Variants in SLC25A16 observed in about 807,000 individuals in gnomAD.
SLC25A16 encodes the protein solute carrier family 25 member 16.
SLC25A16 carries 39 observed loss-of-function variants against 41.5 expected under a neutral mutation model. That is an observed-to-expected ratio of 0.94 (90% CI 0.73 to 1.23). SLC25A16 has a LOEUF of 1.23. SLC25A16 is among the 50% of genes most tolerant of loss of function. The pLI is 0.00. For missense variants in SLC25A16, 421 were observed against 426.9 expected, an observed-to-expected ratio of 0.99 and a Z score of 0.12; for synonymous variants, 146 against 147.8, an observed-to-expected ratio of 0.99 and a Z score of 0.09.
At chr10:68,489,064 G>A (rs912719214) in intron 6 of SLC25A16, among the ~76,000 whole-genome samples, 3 of 152,126 alleles carry the variant, frequency 2.0e-5, no homozygotes, top group Non-Finnish European at 4.4e-5. Flanking sequence ...GAGGTCAGGC[G>A]TTCGAGATCA....
rs1037379399 is a variant in SLC25A16 at position 68,482,101 on chromosome 10, C to T, written c.*1331G>A. 1 of 152,122 alleles carries T rather than the reference C, an allele frequency of 6.6e-6. No homozygotes were observed. The highest frequency in any genetic ancestry group is 2.4e-5 in the African/African-American group (1 of 41,400). The allele number at this position is 152,122 out of a possible 1,614,324, so 9.4% of individuals were successfully genotyped here. A position where few individuals can be genotyped will look rare whatever the true frequency, so the allele number is the denominator to read the frequency against. On this transcript the variant is annotated 3_prime_UTR_variant, in exon 9 of 9. Transcript: ENST00000609923. ...ATTTTTGGTGGTGGGCACCTGTAGT[C>T]CCAGCTACTCGGGAGACTGAGGCAG...
At chr10:68,483,918 C>G in intron 8 of SLC25A16, among the ~76,000 whole-genome samples, 1 of 152,162 alleles carries the variant, frequency 6.6e-6, no homozygotes, top group Admixed American at 6.6e-5. Context: ...CCCACCTTGG[C>G]CTCCCAAAGT....
chr10:68,519,974 T>A (rs902373179), intron 1 of SLC25A16, among the ~76,000 whole-genome samples: 2 of 75,870 alleles, frequency 2.6e-5, no homozygotes, highest in Non-Finnish European at 4.6e-5. Flanking sequence ...TATAATAGTA[T>A]CTTTTTTTTT....
At chr10:68,492,639 G>A (rs910866446) in intron 6 of SLC25A16, among the ~76,000 whole-genome samples, 8 of 151,674 alleles carry the variant, frequency 5.3e-5, no homozygotes, top group Non-Finnish European at 1.2e-4. Context: ...CCGAGATCAC[G>A]CCATTGCACT....
At chr10:68,520,994 C>T (rs1293077980) in intron 1 of SLC25A16, among the ~76,000 whole-genome samples, 1 of 151,336 alleles carries the variant, frequency 6.6e-6, no homozygotes, top group Non-Finnish European at 1.5e-5. Flanking sequence ...AATTAGCCGG[C>T]ATGGTGGCAC....
chr10:68,497,615 T>TA (rs909312329), intron 4 of SLC25A16, among the ~76,000 whole-genome samples: 18 of 151,820 alleles, frequency 1.2e-4, no homozygotes, highest in African/African-American at 4.1e-4. Flanking sequence ...CTTTTTTTTT[T>TA]TTTTAATTTT....
At chr10:68,523,021 A>G (rs546756742) in intron 1 of SLC25A16, among the ~76,000 whole-genome samples, 16 of 152,210 alleles carry the variant, frequency 1.1e-4, no homozygotes, top group Admixed American at 8.5e-4. Context: ...GAACTACTCT[A>G]TATCTTGACT....
chr10:68,479,134 T>G lies in SLC25A16; in HGVS notation c.*4298A>C, dbSNP rs2052457736. ...CTGCGAAGCAAACCAAATGACTTTA[T>G]TCCTAAATTGTTTATTTCTTGAACT... On this transcript the variant is annotated 3_prime_UTR_variant, in exon 9 of 9. Coordinates refer to ENST00000609923, the MANE Select transcript of SLC25A16 (RefSeq NM_152707.4). 6.6e-6 allele frequency: 1 copy of G among 152,214 alleles called. No homozygotes were observed. The highest frequency in any genetic ancestry group is 2.4e-5 in the African/African-American group (1 of 41,454). The allele number at this position is 152,214 out of a possible 1,614,324, so 9.4% of individuals were successfully genotyped here. A position where few individuals can be genotyped will look rare whatever the true frequency, so the allele number is the denominator to read the frequency against.
intron 6 of SLC25A16, among the ~76,000 whole-genome samples, chr10:68,489,053 T>C (rs371744502): frequency 6.6e-6 from 1 of 152,156 alleles, no homozygotes; most frequent in Non-Finnish European, 1.5e-5. Flanking sequence ...GCGGATTACC[T>C]GAGGTCAGGC....
chr10:68,494,966 G>C (rs1427257581), intron 4 of SLC25A16, among the ~76,000 whole-genome samples: 1 of 151,558 alleles, frequency 6.6e-6, no homozygotes, highest in African/African-American at 2.4e-5. Flanking sequence ...TAGGAAACAA[G>C]AGTACCCAGA....
In SLC25A16 at chr10:68,479,832, A is replaced by AAG. The variant is rs1760759037; in HGVS notation, c.*3599_*3600insCT. On this transcript the variant is annotated 3_prime_UTR_variant, in exon 9 of 9. Coordinates refer to ENST00000609923, the MANE Select transcript of SLC25A16 (RefSeq NM_152707.4). Reference sequence around the variant, plus strand: ...GGCTCTGTCTCAAAAAAAAAAAAAAAAAAGAAAGAAAAGAAAGAAAAATAC... The same window carrying AAG: ...GGCTCTGTCTCAAAAAAAAAAAAAAAAGAAAGAAAGAAAAGAAAGAAAAATAC... 6.6e-6 allele frequency: 1 copy of AAG among 151,468 alleles called. No homozygotes were observed. The highest frequency in any genetic ancestry group is 2.4e-5 in the African/African-American group (1 of 41,128). The allele number at this position is 151,468 out of a possible 1,614,324, so 9.4% of individuals were successfully genotyped here.
At chr10:68,502,255 T>C (rs541036001) in intron 4 of SLC25A16, among the ~76,000 whole-genome samples, 2 of 151,838 alleles carry the variant, frequency 1.3e-5, no homozygotes, top group Non-Finnish European at 2.9e-5. Flanking sequence ...TGTCTTTACC[T>C]TAGAACGGGG....
Position 68,489,084 on chromosome 10 carries a change from A to C in SLC25A16, c.611-455T>G, listed in dbSNP as rs543200837. On this transcript the variant is annotated intron_variant, in intron 6 of 8. Transcript: ENST00000609923. ...CAGGCGTTCGAGATCAGCCTGACAA[A>C]CATAGAGAAATCCCATCTCTACTAA... Among the ~76,000 whole-genome samples, 10 of 152,326 alleles carry C rather than the reference A, an allele frequency of 6.6e-5. No homozygotes were observed. In the East Asian group the frequency reaches 1.9e-3, roughly 29 times the overall value.
chr10:68,521,372 C>T (rs1017322834), intron 1 of SLC25A16, among the ~76,000 whole-genome samples: 7 of 151,986 alleles, frequency 4.6e-5, no homozygotes, highest in African/African-American at 9.7e-5. Flanking sequence ...CCCATCTCTA[C>T]TAACAGTACA....
chr10:68,524,854 C>A, intron 1 of SLC25A16, among the ~76,000 whole-genome samples: 1 of 150,616 alleles, frequency 6.6e-6, no homozygotes, highest in Non-Finnish European at 1.5e-5. Flanking sequence ...TCCAGCCTGG[C>A]CGACAGAGTG....
chr10:68,520,934 G>A (rs968334515), intron 1 of SLC25A16, among the ~76,000 whole-genome samples: 47 of 150,884 alleles, frequency 3.1e-4, no homozygotes, highest in African/African-American at 1.0e-3. Flanking sequence ...AGGAGATCGA[G>A]ACCATCCTGG....
intron 4 of SLC25A16, chr10:68,496,529 A>C: frequency 1.0e-6 from 1 of 984,412 alleles, no homozygotes; most frequent in Non-Finnish European, 1.2e-6. Flanking sequence ...GGAAGCAATG[A>C]GACTCAATCA....
intron 1 of SLC25A16, among the ~76,000 whole-genome samples, chr10:68,523,338 G>A (rs573507906): frequency 9.9e-5 from 15 of 151,950 alleles, no homozygotes; most frequent in African/African-American, 3.4e-4. Context: ...AGCTATCCCC[G>A]CTACTCAGCC....
At chr10:68,489,214 A>T (rs1227595978) in intron 6 of SLC25A16, among the ~76,000 whole-genome samples, 1 of 152,196 alleles carries the variant, frequency 6.6e-6, no homozygotes, top group Non-Finnish European at 1.5e-5. Flanking sequence ...GTTTGCGGTG[A>T]GCTGAGATCA....
Sources: gnomAD v4.1 joint callset for allele counts (sites outside exome capture counted in the v4.1 genomes callset) on GRCh38, gnomAD v4.1.1 for gene constraint, MANE v1.5 for transcripts, NCBI Gene and HGNC (gene_info 2026-07-23, HGNC 2026-07-21) for gene names.